The following KCNC2 variants were observed in gnomAD, a reference collection of about 807,000 sequenced individuals.
The protein encoded by KCNC2 is potassium voltage-gated channel subfamily C member 2.
Under a neutral mutation model 44.5 loss-of-function variants are expected in KCNC2, and 21 were observed. That is an observed-to-expected ratio of 0.47 (90% CI 0.33 to 0.68). The LOEUF is 0.68. KCNC2 is among the 30% of genes least tolerant of loss of function. The pLI is 0.01. For synonymous variants in KCNC2, 391 were observed against 339.1 expected (o/e 1.15, Z -1.68); for missense variants, 589 against 826.2 (o/e 0.71, Z 3.52).
intron 2 of KCNC2, among the ~76,000 whole-genome samples, chr12:75,175,503 T>C (rs1394862913): frequency 6.6e-6 from 1 of 151,932 alleles, no homozygotes; most frequent in African/African-American, 2.4e-5. Context: ...GTACATTTGG[T>C]TTTAGTTGAT....
chr12:75,199,313 G>C (rs2031042022), intron 2 of KCNC2, among the ~76,000 whole-genome samples: 1 of 151,802 alleles, frequency 6.6e-6, no homozygotes, highest in Admixed American at 6.6e-5. Flanking sequence ...AGACACTACT[G>C]AAGTGTCTGC....
chr12:75,069,927 T>C (rs920117763), intron 2 of KCNC2, among the ~76,000 whole-genome samples: 9 of 152,160 alleles, frequency 5.9e-5, no homozygotes, highest in Admixed American at 1.3e-4. Context: ...CATCTGTACA[T>C]CATCATCGAA....
At chr12:75,193,945 C>T (rs536467018) in intron 2 of KCNC2, among the ~76,000 whole-genome samples, 1 of 151,528 alleles carries the variant, frequency 6.6e-6, no homozygotes, top group African/African-American at 2.4e-5. Flanking sequence ...AGAGTTAATG[C>T]CAGAAATAAA....
At chr12:75,149,000 CAA>C (rs202065772) in intron 2 of KCNC2, among the ~76,000 whole-genome samples, 15 of 118,368 alleles carry the variant, frequency 1.3e-4, no homozygotes, top group African/African-American at 1.5e-4. Context: ...GACTGATATA[CAA>C]AAAAAAAAAA....
At chr12:75,159,177 G>A (rs1038896535) in intron 2 of KCNC2, among the ~76,000 whole-genome samples, 2 of 151,594 alleles carry the variant, frequency 1.3e-5, no homozygotes, top group Admixed American at 1.3e-4. Flanking sequence ...TAGATGACGG[G>A]CTGATGGGGG....
intron 2 of KCNC2, chr12:75,140,131 GCA>G (rs1382305129): frequency 6.6e-6 from 1 of 152,160 alleles, no homozygotes; most frequent in Non-Finnish European, 1.5e-5. Context: ...GCTTGGTTGG[GCA>G]CAGTGTTCTC....
intron 2 of KCNC2, among the ~76,000 whole-genome samples, chr12:75,144,204 T>A (rs1889854874): frequency 6.6e-6 from 1 of 152,176 alleles, no homozygotes. Context: ...TTTTAAAAAA[T>A]TAATATGTCA....
intron 2 of KCNC2, among the ~76,000 whole-genome samples, chr12:75,138,979 TAAAAAAAAA>T (rs373729570): frequency 0.1 from 8,128 of 77,778 alleles, 344 homozygotes; most frequent in Middle Eastern, 0.14. Context: ...AGACTCCGTG[TAAAAAAAAA>T]AAAAAAAAAA....
chr12:75,206,775 T>C (rs1328957811), intron 2 of KCNC2, among the ~76,000 whole-genome samples: 2 of 152,122 alleles, frequency 1.3e-5, no homozygotes, highest in Non-Finnish European at 2.9e-5. Context: ...CTTTCCTCCC[T>C]CCACCTCCCC....
At chr12:75,165,963 C>T (rs943672705) in intron 2 of KCNC2, among the ~76,000 whole-genome samples, 1 of 151,168 alleles carries the variant, frequency 6.6e-6, no homozygotes, top group African/African-American at 2.4e-5. Context: ...AACCAAAAGA[C>T]AGAGATTGAC....
intron 2 of KCNC2, among the ~76,000 whole-genome samples, chr12:75,091,578 A>G (rs1181452873): frequency 6.6e-6 from 1 of 151,716 alleles, no homozygotes; most frequent in Non-Finnish European, 1.5e-5. Flanking sequence ...AAAGTTGGGT[A>G]TTGTGTTGCT....
intron 2 of KCNC2, among the ~76,000 whole-genome samples, chr12:75,084,524 T>C (rs1884830713): frequency 6.6e-6 from 1 of 151,662 alleles, no homozygotes; most frequent in Non-Finnish European, 1.5e-5. Flanking sequence ...TTATCAGGGG[T>C]TTCTGCTTTT....
At chr12:75,192,503 T>C (rs2030380838) in intron 2 of KCNC2, among the ~76,000 whole-genome samples, 1 of 152,248 alleles carries the variant, frequency 6.6e-6, no homozygotes, top group Non-Finnish European at 1.5e-5. Flanking sequence ...TGCATGGTTC[T>C]TACAAATGTA....
intron 2 of KCNC2, among the ~76,000 whole-genome samples, chr12:75,203,364 G>A (rs746879468): frequency 9.2e-5 from 14 of 151,798 alleles, no homozygotes; most frequent in East Asian, 5.8e-4. Flanking sequence ...TACGGAGTAC[G>A]TTTTGGTAAT....
At chr12:75,051,572 A>AT (rs554529774) in intron 2 of KCNC2, among the ~76,000 whole-genome samples, 7 of 152,228 alleles carry the variant, frequency 4.6e-5, no homozygotes, top group South Asian at 2.1e-4. Context: ...ATTTATTGAG[A>AT]TTTTTTTGTG....
At chr12:75,097,782 A>G (rs1226648255) in intron 2 of KCNC2, among the ~76,000 whole-genome samples, 1 of 152,058 alleles carries the variant, frequency 6.6e-6, no homozygotes, top group Non-Finnish European at 1.5e-5. Context: ...CAGCTTTTTG[A>G]CTTTGGGAAA....
At chr12:75,116,990 T>G (rs1565868771) in intron 2 of KCNC2, among the ~76,000 whole-genome samples, 1 of 152,134 alleles carries the variant, frequency 6.6e-6, no homozygotes, top group Non-Finnish European at 1.5e-5. Flanking sequence ...TTCCTACGAT[T>G]CCATTCACAT....
chr12:75,160,946 A>G (rs896175711), intron 2 of KCNC2, among the ~76,000 whole-genome samples: 1 of 151,832 alleles, frequency 6.6e-6, no homozygotes, highest in Non-Finnish European at 1.5e-5. Flanking sequence ...AACAAATTGA[A>G]AAGATTATGT....
At chr12:75,158,064 A>G (rs185802725) in intron 2 of KCNC2, among the ~76,000 whole-genome samples, 2 of 152,000 alleles carry the variant, frequency 1.3e-5, no homozygotes, top group African/African-American at 2.4e-5. Context: ...TATTTATACA[A>G]TTTACATTTG....
Sources: gnomAD v4.1 joint callset for allele counts (sites outside exome capture counted in the v4.1 genomes callset) on GRCh38, gnomAD v4.1.1 for gene constraint, MANE v1.5 for transcripts, NCBI Gene and HGNC (gene_info 2026-07-23, HGNC 2026-07-21) for gene names.